The following ADGRF5 variants were observed in gnomAD, a reference collection of about 807,000 sequenced individuals.
ADGRF5 encodes the protein G-protein coupled receptor 116.
In ADGRF5, 75 loss-of-function variants were observed where a neutral mutation model predicts 132.3. The ratio of observed to expected loss-of-function variants is 0.57; its 90% CI spans 0.47 to 0.69. The LOEUF is 0.69. Among genes scored for constraint, ADGRF5 ranks in the 30% least tolerant of loss-of-function variants. The probability of loss-of-function intolerance (pLI) is 0.00; values close to 1 mark genes in which losing one functional copy is unlikely to be tolerated. For missense variants in ADGRF5, 1,516 were observed against 1,630.6 expected (o/e 0.93, Z 1.21); for synonymous variants, 629 against 597.6 (o/e 1.05, Z -0.77).
At chr6:46,919,730 G>A (rs1450712627) in intron 1 of ADGRF5, among the ~76,000 whole-genome samples, 1 of 152,194 alleles carries the variant, frequency 6.6e-6, no homozygotes, top group Non-Finnish European at 1.5e-5. Context: ...ACAAAGGCAG[G>A]CAAATTTTAC....
In ADGRF5 at chr6:46,883,653, T is replaced by C; in HGVS notation, c.518A>G (p.Asn173Ser). 1 of 1,580,588 alleles carries C rather than the reference T, an allele frequency of 6.3e-7. No homozygotes were observed. Residue 173 changes from asparagine to serine, a missense_variant, in exon 6 of 21, where the codon AAC (asparagine) becomes AGC (serine). By Grantham distance (46) the Asn-to-Ser change is conservative (BLOSUM62 1). This residue lies in a region of ADGRF5 where 945 missense variants were observed against 929.4 expected (regional missense o/e 1.02). Coordinates refer to ENST00000283296, the MANE Select transcript of ADGRF5 (RefSeq NM_001098518.2). ...FCLLQEDVTL[N>S]MRVRLNVGFQ... Reference sequence around the variant, plus strand: ...GCCTACATTTAGTCTGACTCTCATGTTCAGGGTAACATCTGTTGAAAAACA... The same window carrying C: ...GCCTACATTTAGTCTGACTCTCATGCTCAGGGTAACATCTGTTGAAAAACA...
intron 1 of ADGRF5, among the ~76,000 whole-genome samples, chr6:46,928,209 C>T (rs1337414886): frequency 6.6e-6 from 1 of 152,138 alleles, no homozygotes; most frequent in Admixed American, 6.5e-5. Context: ...TCAGAGCCCA[C>T]CTCAGGGTGC....
intron 3 of ADGRF5, among the ~76,000 whole-genome samples, chr6:46,889,296 A>C (rs1773390343): frequency 6.9e-6 from 1 of 145,402 alleles, no homozygotes; most frequent in Admixed American, 6.9e-5. Flanking sequence ...TATATATAGT[A>C]CAGTATATAT....
chr6:46,917,337 C>G (rs1197105244), intron 1 of ADGRF5, among the ~76,000 whole-genome samples: 3 of 152,222 alleles, frequency 2.0e-5, no homozygotes, highest in African/African-American at 7.2e-5. Context: ...AGCTACTCAT[C>G]TGGTCCTGCC....
At position 46,884,116 on chromosome 6, in the gene ADGRF5, G is replaced by A. The variant is rs1772796509; in HGVS notation, c.484C>T (p.Pro162Ser). 6.8e-6 allele frequency: 11 copies of A among 1,613,954 alleles called. No homozygotes were observed. Among genetic ancestry groups the A allele is most frequent in the Non-Finnish European group, 9.3e-6 (11 of 1,179,852 alleles). Residue 162 changes from proline to serine, a missense_variant, in exon 5 of 21, where the codon CCT (proline) becomes TCT (serine). Physicochemically the swap from Pro to Ser is moderately conservative, Grantham distance 74. Coordinates refer to ENST00000283296, the MANE Select transcript of ADGRF5 (RefSeq NM_001098518.2). ...SCLKELPPNGPFCLLQEDVTL... is the reference protein window; with the variant it reads ...SCLKELPPNGSFCLLQEDVTL... The stretch of plus-strand genomic sequence containing the variant: ...TTACCTTCCTGAAGCAGGCAAAAAG[G>A]TCCATTGGGAGGCAGTTCTTTAAGG...
chr6:46,877,365 CTTTCTTTCTTTCT>C lies in ADGRF5; in HGVS notation c.1240+824_1240+836del, dbSNP rs759142551. Among the ~76,000 whole-genome samples, 230 of 41,636 alleles carry C rather than the reference CTTTCTTTCTTTCT, an allele frequency of 5.5e-3. 9 individuals carry two copies. Among genetic ancestry groups the C allele is most frequent in the South Asian group, 8.0e-3 (12 of 1,496 alleles). The allele number at this position is 41,636 out of a possible 152,430, so 27.3% of individuals were successfully genotyped here. A position where few individuals can be genotyped will look rare whatever the true frequency, so the allele number is the denominator to read the frequency against. The stretch of plus-strand genomic sequence containing the variant: ...TCTTTCTTTCTTTCTTTCTTTCTTT[CTTTCTTTCTTTCT>C]TTCTTTCTTCTTTCTTTTTTTTCAT... On this transcript the variant is annotated intron_variant, in intron 10 of 20. Coordinates refer to ENST00000283296, the MANE Select transcript of ADGRF5 (RefSeq NM_001098518.2).
At chr6:46,899,366 G>T (rs1774509488) in intron 3 of ADGRF5, among the ~76,000 whole-genome samples, 1 of 152,134 alleles carries the variant, frequency 6.6e-6, no homozygotes, top group African/African-American at 2.4e-5. Flanking sequence ...GATCCGATTT[G>T]TGCTTTTGAA....
Position 46,858,154 on chromosome 6 carries a change from A to G in ADGRF5, c.3749T>C (p.Ile1250Thr). 6.2e-7 allele frequency: 1 copy of G among 1,612,942 alleles called. No homozygotes were observed. The highest frequency in any genetic ancestry group is 8.5e-7 in the Non-Finnish European group (1 of 1,179,134). The change falls in exon 17 of 21, where the codon ATA becomes ACA. Residue 1250 changes from isoleucine (I) to threonine (T), a missense_variant. Ile to Thr is a moderately conservative substitution (Grantham distance 89). This residue lies in a region of ADGRF5 where 571 missense variants were observed against 701.2 expected (regional missense o/e 0.81). Transcript: ENST00000283296. ...FPGTNLVFHI[I>T]FAILNVFQGL... is the part of the protein sequence containing the mutation. ...CTGGAAGACATTGAGGATGGCAAAT[A>G]TGATATGGAACACAAGGTTGGTCCC...
intron 1 of ADGRF5, among the ~76,000 whole-genome samples, chr6:46,943,677 T>C (rs1322256790): frequency 2.0e-5 from 3 of 152,200 alleles, no homozygotes; most frequent in Non-Finnish European, 4.4e-5. Flanking sequence ...GTTAAACAAC[T>C]TGCCAAACCT....
Position 46,884,276 on chromosome 6 carries a change from C to A in ADGRF5, c.329-5G>T. 6.2e-7 allele frequency: 1 copy of A among 1,610,342 alleles called. No homozygotes were observed. Among genetic ancestry groups the A allele is most frequent in the Non-Finnish European group, 8.5e-7 (1 of 1,176,962 alleles). On this transcript the variant is annotated splice_polypyrimidine_tract_variant and splice_region_variant and intron_variant, in intron 4 of 20. Transcript: ENST00000283296. ...CATTTCCAGCAGGTCTGCAGACTAT[C>A]GTTAATCAGAACAGCAAGGAGAGAG...
chr6:46,854,465 C>A (rs1400817664), intron 20 of ADGRF5, among the ~76,000 whole-genome samples: 1 of 151,982 alleles, frequency 6.6e-6, no homozygotes, highest in Non-Finnish European at 1.5e-5. Context: ...CACCTAGAGG[C>A]TCTACTGAAG....
chr6:46,953,651 G>GTATA (rs61302381), intron 1 of ADGRF5, among the ~76,000 whole-genome samples: 5,827 of 41,182 alleles, frequency 0.14, 246 homozygotes, highest in Non-Finnish European at 0.2. Context: ...AGATATATGT[G>GTATA]TATATATATA....
chr6:46,902,904 C>G (rs220697), intron 2 of ADGRF5, among the ~76,000 whole-genome samples: 141,348 of 152,294 alleles, frequency 0.93, 65,745 homozygotes, highest in African/African-American at 0.98. Context: ...GCCAAGTCAC[C>G]GGACCTGATT....
chr6:46,932,914 G>C (rs1439761432), intron 1 of ADGRF5, among the ~76,000 whole-genome samples: 1 of 152,160 alleles, frequency 6.6e-6, no homozygotes, highest in East Asian at 1.9e-4. Flanking sequence ...ATGTTTGCTT[G>C]AGAAAGAAAT....
chr6:46,926,490 G>C (rs1004710118), upstream of ADGRF5, among the ~76,000 whole-genome samples: 2 of 151,656 alleles, frequency 1.3e-5, no homozygotes, highest in Admixed American at 6.6e-5. Context: ...TGAGGGGGGG[G>C]GCAGTGCAGA....
rs562512052 is a variant in ADGRF5, at chr6:46,870,113, A to G, written c.1412-1021T>C. 2.0e-5 allele frequency among the ~76,000 whole-genome samples: 3 copies of G among 152,114 alleles called. No individual in the cohort carries two copies. The East Asian group carries it at 5.8e-4, about 29-fold the overall frequency. On this transcript the variant is annotated intron_variant, in intron 11 of 20. Coordinates refer to ENST00000283296, the MANE Select transcript of ADGRF5 (RefSeq NM_001098518.2). Reference sequence around the variant, plus strand: ...ACAGCTTCATTTTGTGAGCCCACTGATGCTGGCCTACTTACCCAGTCAGTG... The same window carrying G: ...ACAGCTTCATTTTGTGAGCCCACTGGTGCTGGCCTACTTACCCAGTCAGTG...
upstream of ADGRF5, among the ~76,000 whole-genome samples, chr6:46,926,918 C>T (rs1777277525): frequency 6.6e-6 from 1 of 152,106 alleles, no homozygotes; most frequent in Non-Finnish European, 1.5e-5. Flanking sequence ...GGCAGTCACT[C>T]CTGTTTTAAC....
chr6:46,952,458 G>A (rs1160913464), intron 1 of ADGRF5, among the ~76,000 whole-genome samples: 2 of 152,158 alleles, frequency 1.3e-5, no homozygotes, highest in Admixed American at 6.5e-5. Context: ...CAGAGAATGA[G>A]GGGCACTGAC....
intron 20 of ADGRF5, chr6:46,854,890 A>C: frequency 5.3e-6 from 2 of 380,520 alleles, no homozygotes; most frequent in East Asian, 1.0e-4. Flanking sequence ...TAATTCATCA[A>C]ATTGAAGCAG....
Sources: allele counts gnomAD v4.1 joint callset (sites outside exome capture counted in the v4.1 genomes callset), GRCh38; gene constraint gnomAD v4.1.1; regional missense constraint gnomAD v4.1.1; transcripts MANE v1.5; gene names NCBI Gene and HGNC (gene_info 2026-07-23, HGNC 2026-07-21).